Variants in FNIP1 observed in about 807,000 individuals in gnomAD.
FNIP1 encodes folliculin-interacting protein 1.
A neutral mutation model predicts 124.5 loss-of-function variants in FNIP1; 40 were observed. That is an observed-to-expected ratio of 0.32 (90% CI 0.25 to 0.42). FNIP1 has a LOEUF of 0.42. FNIP1 is among the 10% of genes least tolerant of loss of function. The pLI is 1.00. For synonymous variants in FNIP1, 472 were observed against 470.6 expected, an observed-to-expected ratio of 1.00 and a Z score of -0.04; for missense variants, 1,176 against 1,403.7, an observed-to-expected ratio of 0.84 and a Z score of 2.59.
chr5:131,794,836 CAGAA>C (rs1399608116), intron 1 of FNIP1, among the ~76,000 whole-genome samples: 4 of 152,198 alleles, frequency 2.6e-5, no homozygotes, highest in African/African-American at 2.4e-5. Context: ...AAGACTATGA[CAGAA>C]AGTATCAGTG....
chr5:131,669,580 C>A (rs10040919), intron 15 of FNIP1, among the ~76,000 whole-genome samples: 1 of 151,736 alleles, frequency 6.6e-6, no homozygotes, highest in Non-Finnish European at 1.5e-5. Flanking sequence ...AAAAATGACA[C>A]GACAATACAA....
chr5:131,794,691 G>A (rs1049120724), intron 1 of FNIP1, among the ~76,000 whole-genome samples: 14 of 152,132 alleles, frequency 9.2e-5, no homozygotes, highest in African/African-American at 3.1e-4. Flanking sequence ...CCAGAACTTT[G>A]GGAGGCCAAG....
chr5:131,776,947 T>C (rs1279417955), intron 1 of FNIP1, among the ~76,000 whole-genome samples: 1 of 152,142 alleles, frequency 6.6e-6, no homozygotes, highest in Non-Finnish European at 1.5e-5. Context: ...TAAATTGTAC[T>C]TTAGGCTGGG....
intron 10 of FNIP1, among the ~76,000 whole-genome samples, chr5:131,700,736 A>AT: frequency 6.6e-6 from 1 of 151,268 alleles, no homozygotes; most frequent in Middle Eastern, 3.4e-3. Flanking sequence ...CATAGCTTTT[A>AT]TTTAAAAAAA....
chr5:131,699,496 C>A (rs1393167242), intron 10 of FNIP1, among the ~76,000 whole-genome samples: 1 of 150,564 alleles, frequency 6.6e-6, no homozygotes, highest in Non-Finnish European at 1.5e-5. Context: ...CGGGTTCAAG[C>A]GATTTTCCTG....
intron 1 of FNIP1, among the ~76,000 whole-genome samples, chr5:131,787,785 T>C (rs561692583): frequency 2.6e-5 from 4 of 152,284 alleles, no homozygotes; most frequent in African/African-American, 9.6e-5. Flanking sequence ...AGTGTTTTGA[T>C]TAGAATTATG....
chr5:131,776,890 GTATGT>G (rs1194222682), intron 1 of FNIP1, among the ~76,000 whole-genome samples: 1 of 152,076 alleles, frequency 6.6e-6, no homozygotes, highest in Non-Finnish European at 1.5e-5. Context: ...GTACTGAGGT[GTATGT>G]TTACGATCCG....
chr5:131,735,090 A>C (rs1479834625), intron 2 of FNIP1, among the ~76,000 whole-genome samples: 26 of 152,236 alleles, frequency 1.7e-4, no homozygotes, highest in Admixed American at 1.7e-3. Flanking sequence ...CTGGATTAAG[A>C]AAATGTGGCA....
intron 3 of FNIP1, among the ~76,000 whole-genome samples, chr5:131,721,354 G>C (rs1769654170): frequency 6.6e-6 from 1 of 152,156 alleles, no homozygotes; most frequent in Admixed American, 6.5e-5. Flanking sequence ...GAAATGGGGA[G>C]TTACTAATCA....
At chr5:131,696,591 G>A (rs963812959) in intron 11 of FNIP1, among the ~76,000 whole-genome samples, 11 of 151,928 alleles carry the variant, frequency 7.2e-5, no homozygotes, top group Non-Finnish European at 1.3e-4. Flanking sequence ...TAAATCTAAC[G>A]TTATAGATAT....
chr5:131,659,204 A>G (rs1767316058), intron 15 of FNIP1, among the ~76,000 whole-genome samples: 1 of 152,166 alleles, frequency 6.6e-6, no homozygotes, highest in South Asian at 2.1e-4. Flanking sequence ...GCCAGGGTAC[A>G]TGTTGTTGCC....
intron 3 of FNIP1, among the ~76,000 whole-genome samples, chr5:131,727,848 A>C (rs1467639464): frequency 1.3e-5 from 2 of 152,272 alleles, no homozygotes; most frequent in East Asian, 1.9e-4. Context: ...TGCTTCCTTC[A>C]GGAGCTCTTG....
chr5:131,764,825 T>C (rs1235999194), intron 1 of FNIP1, among the ~76,000 whole-genome samples: 1 of 152,114 alleles, frequency 6.6e-6, no homozygotes, highest in Non-Finnish European at 1.5e-5. Flanking sequence ...ATATCAAAAT[T>C]TTGCCATTTT....
intron 2 of FNIP1, among the ~76,000 whole-genome samples, chr5:131,732,840 AAGT>A (rs907697991): frequency 2.6e-5 from 4 of 152,174 alleles, no homozygotes; most frequent in Non-Finnish European, 5.9e-5. Flanking sequence ...ATGAACTTGA[AAGT>A]AGTTTTTTCC....
At chr5:131,739,448 C>T (rs542753603) in intron 2 of FNIP1, among the ~76,000 whole-genome samples, 109 of 152,274 alleles carry the variant, frequency 7.2e-4, no homozygotes, top group African/African-American at 2.4e-3. Context: ...TACCAAAATT[C>T]CTGAACGTAT....
At chr5:131,736,303 G>A (rs995488029) in intron 2 of FNIP1, among the ~76,000 whole-genome samples, 3 of 152,036 alleles carry the variant, frequency 2.0e-5, no homozygotes, top group Non-Finnish European at 2.9e-5. Context: ...AGGTATTATC[G>A]ATGCTATTTT....
At chr5:131,736,718 C>A (rs1770318426) in intron 2 of FNIP1, among the ~76,000 whole-genome samples, 2 of 152,178 alleles carry the variant, frequency 1.3e-5, no homozygotes, top group South Asian at 4.1e-4. Context: ...CAACTGGATC[C>A]TTTTGTTCTG....
chr5:131,710,713 A>G lies in FNIP1; in HGVS notation c.623-52T>C. 2.6e-6 allele frequency: 4 copies of G among 1,524,970 alleles called. No individual in the cohort carries two copies. The South Asian group carries it at 3.5e-5, about 13-fold the overall frequency. 94.5% of individuals were successfully genotyped at this position (1,524,970 alleles called of 1,614,324 possible). ...ATGAAAGAGGACTGTTAGAGAAGCC[A>G]CAATGCGTCAGGGAAAAAAGGTGAG... On this transcript the variant is annotated intron_variant, in intron 6 of 17. Coordinates refer to ENST00000510461, the MANE Select transcript of FNIP1 (RefSeq NM_133372.3).
rs753487190 is a variant in FNIP1, at chr5:131,697,968, C to CAA, written c.1202+947_1202+948dup. ...TGGGTGACAGAGCAAGACTCCACCT[C>CAA]AAAAAAAAAAAAAAAAAAAAAGAAA... On this transcript the variant is annotated intron_variant, in intron 11 of 17. Coordinates refer to ENST00000510461, the MANE Select transcript of FNIP1 (RefSeq NM_133372.3). Among the ~76,000 whole-genome samples, 53 of 58,624 alleles carry CAA rather than the reference C, an allele frequency of 9.0e-4. 1 individual carries two copies. Among genetic ancestry groups the CAA allele is most frequent in the African/African-American group, 1.0e-3 (23 of 22,944 alleles). 38.5% of individuals were successfully genotyped at this position (58,624 alleles called of 152,430 possible).
Sources: gnomAD v4.1 joint callset for allele counts (sites outside exome capture counted in the v4.1 genomes callset) on GRCh38, gnomAD v4.1.1 for gene constraint, MANE v1.5 for transcripts, NCBI Gene and HGNC (gene_info 2026-07-23, HGNC 2026-07-21) for gene names.